MACROD1: variants seen among roughly 807,000 people sequenced by gnomAD.
MACROD1 encodes mono-ADP ribosylhydrolase 1, also known as ADP-ribose glycohydrolase MACROD1.
In MACROD1, 31 loss-of-function variants were observed where a neutral mutation model predicts 41.4. The ratio of observed to expected loss-of-function variants is 0.75; its 90% CI spans 0.56 to 1.01. The LOEUF is 1.01. Among genes scored for constraint, MACROD1 ranks in the 50% least tolerant of loss-of-function variants. MACROD1 has a pLI of 0.00. For synonymous variants in MACROD1, 252 were observed against 203.4 expected (o/e 1.24, Z -2.03); for missense variants, 473 against 460.0 (o/e 1.03, Z -0.26).
In MACROD1 at chr11:64,090,422, C is replaced by T. The variant is rs1204502443; in HGVS notation, c.517+60817G>A. ...GGTGCTTTATTTCCTCAACTCACCT[C>T]CAGCCCGGGCAGCAGTGGGTCGATA... On this transcript the variant is annotated intron_variant, in intron 3 of 10. Coordinates refer to ENST00000255681, the MANE Select transcript of MACROD1 (RefSeq NM_014067.4). The surrounding 1 kb of genome is among the most constrained non-coding windows in gnomAD (Gnocchi z 4.7). Among the ~76,000 whole-genome samples, 1 of 152,224 alleles carries T rather than the reference C, an allele frequency of 6.6e-6. No individual in the cohort carries two copies. Among genetic ancestry groups the T allele is most frequent in the Admixed American group, 6.5e-5 (1 of 15,286 alleles).
At chr11:64,112,924 C>T (rs566098856) in intron 3 of MACROD1, among the ~76,000 whole-genome samples, 1 of 152,344 alleles carries the variant, frequency 6.6e-6, no homozygotes, top group East Asian at 1.9e-4. Flanking sequence ...ACATTCACCA[C>T]GGCAGGGCCC....
intron 2 of MACROD1, 44 bp downstream of exon 2, chr11:64,152,248 G>A: frequency 6.4e-7 from 1 of 1,556,468 alleles, no homozygotes. Context: ...CCAAGCCACG[G>A]GTCTGGAGCC....
At position 64,064,714 on chromosome 11, in the gene MACROD1, T is replaced by C; in HGVS notation, c.518-49433A>G. Among the ~76,000 whole-genome samples, 1 of 142,300 alleles carries C rather than the reference T, an allele frequency of 7.0e-6. No homozygotes were observed. The highest frequency in any genetic ancestry group is 1.5e-5 in the Non-Finnish European group (1 of 64,560). The allele number at this position is 142,300 out of a possible 152,430, so 93.4% of individuals were successfully genotyped here. ...GGGGGGCCCTCCCTGAGTTCTCCTC[T>C]CCCCTCCCTGCCAGCCCCCCAGCAG... is the stretch of plus-strand genomic sequence containing the variant. On this transcript the variant is annotated intron_variant, in intron 3 of 10. Transcript: ENST00000255681. The surrounding 1 kb of genome is among the most constrained non-coding windows in gnomAD (Gnocchi z 4.5).
chr11:64,083,644 G>A lies in MACROD1; in HGVS notation c.517+67595C>T, dbSNP rs147930172. 3.2e-4 allele frequency among the ~76,000 whole-genome samples: 48 copies of A among 152,320 alleles called. No individual in the cohort carries two copies. The East Asian group carries it at 8.5e-3, about 27-fold the overall frequency. ...GCATGTAAGTGAGTAATGAGAGGCC[G>A]CAGTGAGATGCCAACGCCGGGTCAG... On this transcript the variant is annotated intron_variant, in intron 3 of 10. Transcript: ENST00000255681.
chr11:64,002,618 C>A (rs1358779547), intron 4 of MACROD1, among the ~76,000 whole-genome samples: 5 of 152,140 alleles, frequency 3.3e-5, no homozygotes, highest in South Asian at 2.1e-4. Context: ...CCCTCCCTGT[C>A]CACACACCAG....
chr11:64,133,384 G>C (rs1945291795), intron 3 of MACROD1, among the ~76,000 whole-genome samples: 1 of 152,210 alleles, frequency 6.6e-6, no homozygotes, highest in Non-Finnish European at 1.5e-5. Flanking sequence ...AGACTGCTGG[G>C]GATCCCAGGC....
chr11:64,119,711 T>C (rs1945063435), intron 3 of MACROD1, among the ~76,000 whole-genome samples: 3 of 152,110 alleles, frequency 2.0e-5, no homozygotes, highest in Admixed American at 2.0e-4. Context: ...TTTCTAAAAA[T>C]GCCAGCCTCC....
intron 4 of MACROD1, chr11:64,001,735 C>A (rs1409621079): frequency 1.4e-6 from 1 of 702,156 alleles, no homozygotes; most frequent in East Asian, 2.7e-5. Flanking sequence ...CAGCTGTAGC[C>A]CAGGGCGAGG....
intron 3 of MACROD1, among the ~76,000 whole-genome samples, chr11:64,145,246 C>T (rs1945479168): frequency 6.6e-6 from 1 of 152,164 alleles, no homozygotes; most frequent in East Asian, 1.9e-4. Context: ...CATGGCTTCC[C>T]ACCCGTCCCC....
Position 64,098,126 on chromosome 11 carries a change from C to A in MACROD1, c.517+53113G>T, listed in dbSNP as rs185023533. On this transcript the variant is annotated intron_variant, in intron 3 of 10. Transcript: ENST00000255681. Reference sequence around the variant, plus strand: ...CTGTGCACCTGGGCACCTTCCAGGTCTCCATGCAGCAGCGAGAACACTCTT... The same window carrying A: ...CTGTGCACCTGGGCACCTTCCAGGTATCCATGCAGCAGCGAGAACACTCTT... Among the ~76,000 whole-genome samples the A allele has an allele frequency of 5.9e-5, 9 of 152,296 alleles. No individual in the cohort carries two copies. The East Asian group carries it at 1.5e-3, about 26-fold the overall frequency.
At chr11:64,117,066 C>T (rs764624707) in intron 3 of MACROD1, 3 of 1,602,546 alleles carry the variant, frequency 1.9e-6, no homozygotes, top group Non-Finnish European at 2.6e-6. Context: ...ACCCCTCAAC[C>T]TGCCCAGCGC....
intron 4 of MACROD1, among the ~76,000 whole-genome samples, chr11:64,014,868 G>GC (rs1369274511): frequency 2.0e-5 from 3 of 152,214 alleles, no homozygotes; most frequent in African/African-American, 7.2e-5. Context: ...TGGCTGCGGA[G>GC]CCCGAGGTCC....
chr11:64,054,888 C>G (rs1275180302), intron 3 of MACROD1, among the ~76,000 whole-genome samples: 1 of 152,084 alleles, frequency 6.6e-6, no homozygotes, highest in Non-Finnish European at 1.5e-5. Flanking sequence ...ACAAATACCC[C>G]CACTACTCTT....
Position 64,138,751 on chromosome 11 carries a change from G to A in MACROD1, c.517+12488C>T, listed in dbSNP as rs916854556. Among the ~76,000 whole-genome samples the A allele has an allele frequency of 1.1e-4, 17 of 152,166 alleles. No individual in the cohort carries two copies. The East Asian group carries it at 3.1e-3, about 28-fold the overall frequency. ...CAAGGGCCACTTGTTGCCGCCAGGAGGTGGGTGCCACTGATGGGGATTTTT... is the reference window on the plus strand; with the variant it reads ...CAAGGGCCACTTGTTGCCGCCAGGAAGTGGGTGCCACTGATGGGGATTTTT... On this transcript the variant is annotated intron_variant, in intron 3 of 10. Transcript: ENST00000255681.
intron 3 of MACROD1, among the ~76,000 whole-genome samples, chr11:64,068,909 C>T (rs1490858534): frequency 6.6e-6 from 1 of 152,248 alleles, no homozygotes; most frequent in Non-Finnish European, 1.5e-5. Flanking sequence ...GGGAAATGGG[C>T]ATCCGTGTGA....
rs996576242 is a variant in MACROD1 at position 64,032,755 on chromosome 11, G to A, written c.518-17474C>T. ...TGGAGCCCACAGCTCCCAGGGGCTC[G>A]GCAAGGGTTTGTTGACTGAACAGTG... On this transcript the variant is annotated intron_variant, in intron 3 of 10. Coordinates refer to ENST00000255681, the MANE Select transcript of MACROD1 (RefSeq NM_014067.4). Among the ~76,000 whole-genome samples the A allele has an allele frequency of 6.6e-5, 10 of 152,220 alleles. No homozygotes were observed. In the South Asian group the frequency reaches 1.0e-3, roughly 16 times the overall value.
chr11:64,025,813 G>C (rs1011814804), intron 3 of MACROD1, among the ~76,000 whole-genome samples: 1 of 148,820 alleles, frequency 6.7e-6, no homozygotes, highest in East Asian at 2.1e-4. Flanking sequence ...ATGACCTCCC[G>C]GGCTCAAGAG....
intron 3 of MACROD1, among the ~76,000 whole-genome samples, chr11:64,147,741 T>TTA (rs34623205): frequency 7.5e-5 from 11 of 147,578 alleles, no homozygotes; most frequent in African/African-American, 2.5e-4. Flanking sequence ...TGATGTTCTA[T>TTA]TATATATATA....
chr11:64,006,101 A>T (rs968169519), intron 4 of MACROD1, among the ~76,000 whole-genome samples: 2 of 152,200 alleles, frequency 1.3e-5, no homozygotes, highest in Non-Finnish European at 2.9e-5. Flanking sequence ...GAGGGTACCA[A>T]CTGCGTCAAG....
Sources: gnomAD v4.1 joint callset for allele counts (sites outside exome capture counted in the v4.1 genomes callset) on GRCh38, gnomAD v4.1.1 for gene constraint, Gnocchi (gnomAD v3.1) non-coding constraint, MANE v1.5 for transcripts, NCBI Gene and HGNC (gene_info 2026-07-23, HGNC 2026-07-21) for gene names.